The following HMBOX1 variants were observed in gnomAD, a reference collection of about 807,000 sequenced individuals.
HMBOX1 encodes the protein homeobox-containing protein 1.
A neutral mutation model predicts 54.5 loss-of-function variants in HMBOX1; 14 were observed. That is an observed-to-expected ratio of 0.26 (90% confidence interval 0.17 to 0.40). The LOEUF is 0.40. Among genes scored for constraint, HMBOX1 ranks in the 10% least tolerant of loss-of-function variants. The pLI is 1.00. For synonymous variants in HMBOX1, 160 were observed against 181.0 expected (o/e 0.88, Z 0.93); for missense variants, 332 against 514.4 (o/e 0.65, Z 3.43).
chr8:28,919,871 T>C (rs1817230939), intron 1 of HMBOX1, among the ~76,000 whole-genome samples: 1 of 152,152 alleles, frequency 6.6e-6, no homozygotes, highest in African/African-American at 2.4e-5. Flanking sequence ...TTTTGTAAAA[T>C]GAATACTCAA....
chr8:28,912,440 A>G (rs750614175), intron 1 of HMBOX1, among the ~76,000 whole-genome samples: 1 of 152,180 alleles, frequency 6.6e-6, no homozygotes, highest in Non-Finnish European at 1.5e-5. Context: ...TCTCATCTAT[A>G]GACAATATTG....
chr8:29,028,230 C>G (rs981335833), intron 6 of HMBOX1, among the ~76,000 whole-genome samples: 1 of 152,146 alleles, frequency 6.6e-6, no homozygotes, highest in Admixed American at 6.5e-5. Context: ...AATAGCATCA[C>G]AACCACAATA....
chr8:29,042,191 G>A (rs1487139207), intron 6 of HMBOX1, among the ~76,000 whole-genome samples: 5 of 152,130 alleles, frequency 3.3e-5, no homozygotes, highest in African/African-American at 7.2e-5. Flanking sequence ...TAAGATCACT[G>A]TATGGGCACA....
At chr8:28,984,066 G>A (rs571714143) in intron 4 of HMBOX1, among the ~76,000 whole-genome samples, 30 of 152,328 alleles carry the variant, frequency 2.0e-4, no homozygotes, top group African/African-American at 3.1e-4. Flanking sequence ...CCTTGTCCTC[G>A]TAATTGGTCT....
chr8:28,995,648 T>G (rs1831698034), intron 4 of HMBOX1, among the ~76,000 whole-genome samples: 3 of 152,228 alleles, frequency 2.0e-5, no homozygotes, highest in Admixed American at 1.3e-4. Flanking sequence ...ACCAACACTT[T>G]ATGATAGCTA....
At chr8:28,964,850 G>A (rs1233079389) in intron 2 of HMBOX1, among the ~76,000 whole-genome samples, 1 of 151,732 alleles carries the variant, frequency 6.6e-6, no homozygotes, top group East Asian at 1.9e-4. Context: ...ACCTCTTTGG[G>A]CCTTAGTTTC....
rs575106564 is a variant in HMBOX1, at chr8:29,012,027, G to A, written c.697+2845G>A. On this transcript the variant is annotated intron_variant, in intron 5 of 9. Coordinates refer to ENST00000287701, the MANE Select transcript of HMBOX1 (RefSeq NM_001135726.3). ...TTTTCTCAGTCAAGTTTTTCTGTGGGACATAATTTAAAGGTAGCTAGAGAT... is the reference window on the plus strand; with the variant it reads ...TTTTCTCAGTCAAGTTTTTCTGTGGAACATAATTTAAAGGTAGCTAGAGAT... Among the ~76,000 whole-genome samples the A allele has an allele frequency of 2.0e-5, 3 of 152,286 alleles. No homozygotes were observed. The East Asian group carries it at 5.8e-4, about 29-fold the overall frequency.
At chr8:28,914,630 T>C (rs1409163278) in intron 1 of HMBOX1, among the ~76,000 whole-genome samples, 6 of 152,238 alleles carry the variant, frequency 3.9e-5, no homozygotes, top group Non-Finnish European at 8.8e-5. Context: ...TGACAGCTAA[T>C]GTGACATTGA....
At chr8:29,005,641 G>GAC (rs1343510832) in intron 4 of HMBOX1, among the ~76,000 whole-genome samples, 7 of 152,144 alleles carry the variant, frequency 4.6e-5, no homozygotes, top group African/African-American at 1.7e-4. Context: ...GTCAAGTTAG[G>GAC]ACACCCATAT....
At chr8:28,940,056 CAG>C (rs1299908949) in intron 1 of HMBOX1, among the ~76,000 whole-genome samples, 1 of 151,714 alleles carries the variant, frequency 6.6e-6, no homozygotes, top group African/African-American at 2.4e-5. Flanking sequence ...TGTTTGGAAA[CAG>C]AGTGCAATGG....
intron 1 of HMBOX1, among the ~76,000 whole-genome samples, chr8:28,956,313 G>C (rs1199519866): frequency 2.0e-5 from 3 of 151,374 alleles, no homozygotes; most frequent in Non-Finnish European, 4.4e-5. Context: ...CAGTTTAACT[G>C]CTTAAGTTTT....
chr8:28,983,711 G>C (rs1829757094), intron 4 of HMBOX1, among the ~76,000 whole-genome samples: 1 of 152,160 alleles, frequency 6.6e-6, no homozygotes, highest in African/African-American at 2.4e-5. Context: ...AGCTATACAT[G>C]TGAAAATTTG....
In HMBOX1 at chr8:29,047,350, A is replaced by T. The variant is rs765270785; in HGVS notation, c.935-8A>T. ...AGATTATCTGAATTTTATTGCATGT[A>T]TTCACAGGCAAAAAGCTGTCAGATC... On this transcript the variant is annotated splice_region_variant and splice_polypyrimidine_tract_variant and intron_variant, in intron 7 of 9. Coordinates refer to ENST00000287701, the MANE Select transcript of HMBOX1 (RefSeq NM_001135726.3). 7.3e-6 allele frequency: 11 copies of T among 1,516,730 alleles called. No individual in the cohort carries two copies. The highest frequency in any genetic ancestry group is 1.4e-5 in the African/African-American group (1 of 72,968). The allele number at this position is 1,516,730 out of a possible 1,614,324, so 94.0% of individuals were successfully genotyped here.
chr8:28,921,121 G>A (rs1228199642), intron 1 of HMBOX1, among the ~76,000 whole-genome samples: 1 of 152,214 alleles, frequency 6.6e-6, no homozygotes, highest in Non-Finnish European at 1.5e-5. Context: ...GATCATTTGA[G>A]ATCAGGAGTT....
At chr8:28,936,867 A>C (rs1820495987) in intron 1 of HMBOX1, among the ~76,000 whole-genome samples, 1 of 151,794 alleles carries the variant, frequency 6.6e-6, no homozygotes, top group Non-Finnish European at 1.5e-5. Flanking sequence ...TGGGGGCAAG[A>C]AAGATTAAAA....
intron 4 of HMBOX1, among the ~76,000 whole-genome samples, chr8:28,986,834 T>A (rs1405744008): frequency 6.6e-6 from 1 of 152,190 alleles, no homozygotes; most frequent in African/African-American, 2.4e-5. Flanking sequence ...CTATTTTCTT[T>A]TAAACATAAT....
intron 1 of HMBOX1, among the ~76,000 whole-genome samples, chr8:28,944,132 T>C (rs1413725329): frequency 6.6e-6 from 1 of 152,246 alleles, no homozygotes; most frequent in African/African-American, 2.4e-5. Context: ...CAGTTCTGCA[T>C]ATCATCATTG....
At chr8:28,898,109 A>G (rs1403283949) in intron 1 of HMBOX1, among the ~76,000 whole-genome samples, 1 of 152,238 alleles carries the variant, frequency 6.6e-6, no homozygotes, top group Non-Finnish European at 1.5e-5. Context: ...ACAGACAACA[A>G]CGGAAGTCTG....
chr8:28,939,091 A>G (rs1820897986), intron 1 of HMBOX1, among the ~76,000 whole-genome samples: 1 of 152,118 alleles, frequency 6.6e-6, no homozygotes, highest in Non-Finnish European at 1.5e-5. Context: ...AGAGTTCCAC[A>G]CTAGCCTGAC....
Sources: gnomAD v4.1 joint callset for allele counts (sites outside exome capture counted in the v4.1 genomes callset) on GRCh38, gnomAD v4.1.1 for gene constraint, MANE v1.5 for transcripts, NCBI Gene and HGNC (gene_info 2026-07-23, HGNC 2026-07-21) for gene names.